The following CNTN1 variants were observed in gnomAD, a reference collection of about 807,000 sequenced individuals.
CNTN1 encodes contactin-1.
In CNTN1, 38 loss-of-function variants were observed where a neutral mutation model predicts 126.4. The observed-to-expected ratio is 0.30, with a 90% CI of 0.23 to 0.39. CNTN1 has a LOEUF of 0.39. Among genes scored for constraint, CNTN1 ranks in the 10% least tolerant of loss-of-function variants. CNTN1 has a pLI of 1.00. For missense variants in CNTN1, 1,009 were observed against 1,248.4 expected (o/e 0.81, Z 2.89); for synonymous variants, 413 against 422.6 (o/e 0.98, Z 0.28).
At chr12:40,960,582 T>A (rs1947070722) in intron 15 of CNTN1, among the ~76,000 whole-genome samples, 1 of 152,114 alleles carries the variant, frequency 6.6e-6, no homozygotes, top group Non-Finnish European at 1.5e-5. Context: ...AATAGAGTTT[T>A]AAGAAGTCTA....
chr12:40,888,610 A>G (rs935568273), intron 1 of CNTN1, among the ~76,000 whole-genome samples: 2 of 149,526 alleles, frequency 1.3e-5, no homozygotes, highest in African/African-American at 5.0e-5. Context: ...TGTGATTAAC[A>G]ACAACAACAA....
In CNTN1 at chr12:41,016,848, T is replaced by G; in HGVS notation, c.2351T>G (p.Val784Gly). The G allele has an allele frequency of 6.2e-7, 1 of 1,614,058 alleles. No homozygotes were observed. The highest frequency in any genetic ancestry group is 8.5e-7 in the Non-Finnish European group (1 of 1,180,000). Residue 784 changes from valine (V) to glycine (G), a missense_variant, in exon 19 of 24, where the codon GTC (valine) becomes GGC (glycine). Transcript: ENST00000551295. ...MSPSTAFQVK[V>G]KAFNNKGDGP... ...CCTTCCACTGCATTTCAAGTTAAAG[T>G]CAAGGCCTTCAACAACAAAGGAGAT...
At chr12:41,069,483 T>C (rs543095354) in intron 23 of CNTN1, among the ~76,000 whole-genome samples, 58 of 152,272 alleles carry the variant, frequency 3.8e-4, no homozygotes, top group East Asian at 3.5e-3. Flanking sequence ...ATGTGCACAA[T>C]GTGCAGGTTT....
intron 16 of CNTN1, among the ~76,000 whole-genome samples, chr12:40,988,749 A>G (rs1408609176): frequency 6.6e-6 from 1 of 152,194 alleles, no homozygotes; most frequent in Admixed American, 6.5e-5. Context: ...CTCCTGCTTT[A>G]TATCTCTTTG....
intron 17 of CNTN1, among the ~76,000 whole-genome samples, chr12:40,999,729 A>T (rs1466058075): frequency 8.6e-6 from 1 of 115,786 alleles, no homozygotes; most frequent in African/African-American, 3.4e-5. Flanking sequence ...TTGAGACAGC[A>T]TCTTGCTCTG....
chr12:40,947,776 TATATATAC>T (rs1254433729), intron 14 of CNTN1, among the ~76,000 whole-genome samples: 38 of 89,618 alleles, frequency 4.2e-4, no homozygotes, highest in Non-Finnish European at 6.4e-4. Flanking sequence ...TATATATATA[TATATATAC>T]ACACACACAC....
chr12:40,923,154 A>G (rs986757341), intron 5 of CNTN1, among the ~76,000 whole-genome samples: 1 of 151,964 alleles, frequency 6.6e-6, no homozygotes, highest in Non-Finnish European at 1.5e-5. Flanking sequence ...CCTAATATTT[A>G]ACTTCTAATA....
rs140226618 is a variant in CNTN1, at chr12:40,796,862, A to C, written c.-77+104270A>C. Among the ~76,000 whole-genome samples the C allele has an allele frequency of 2.0e-4, 30 of 152,228 alleles. No individual in the cohort carries two copies. The East Asian group carries it at 4.3e-3, about 22-fold the overall frequency. Reference sequence around the variant, plus strand: ...AAAGCAAGGTTAACAATGAGGACAAAGCTTGGCAAGCCAAGGAGACAAAAG... The same window carrying C: ...AAAGCAAGGTTAACAATGAGGACAACGCTTGGCAAGCCAAGGAGACAAAAG... On this transcript the variant is annotated intron_variant, in intron 1 of 23. Transcript: ENST00000551295.
At chr12:40,869,198 T>A (rs1287233546) in intron 1 of CNTN1, among the ~76,000 whole-genome samples, 1 of 151,320 alleles carries the variant, frequency 6.6e-6, no homozygotes, top group African/African-American at 2.4e-5. Flanking sequence ...AGGTTTGATC[T>A]AAGGACACAA....
chr12:40,968,589 A>C lies in CNTN1; in HGVS notation c.1804+9355A>C, dbSNP rs999186780. Among the ~76,000 whole-genome samples, 5 of 152,170 alleles carry C rather than the reference A, an allele frequency of 3.3e-5. 1 individual carries two copies. Among genetic ancestry groups the C allele is most frequent in the Admixed American group, 3.3e-4 (5 of 15,270 alleles). ...TAATTCATACAGTTAAAAATAGTTC[A>C]TTCAGAATATTTAAATATCTTAGAT... is the stretch of plus-strand genomic sequence containing the variant. On this transcript the variant is annotated intron_variant, in intron 15 of 23. Transcript: ENST00000551295.
chr12:40,748,588 G>A (rs1222044956), intron 1 of CNTN1, among the ~76,000 whole-genome samples: 3 of 152,058 alleles, frequency 2.0e-5, no homozygotes, highest in Non-Finnish European at 4.4e-5. Context: ...TATTTACATT[G>A]TTGTTGCTAA....
chr12:40,881,408 T>C (rs1015663298), intron 1 of CNTN1, among the ~76,000 whole-genome samples: 1 of 151,868 alleles, frequency 6.6e-6, no homozygotes, highest in Admixed American at 6.6e-5. Context: ...TATTAGTTTA[T>C]CCAATAGTAG....
chr12:40,904,393 C>T (rs924607305), intron 1 of CNTN1, among the ~76,000 whole-genome samples: 2 of 148,040 alleles, frequency 1.4e-5, no homozygotes, highest in African/African-American at 2.5e-5. Flanking sequence ...TTCCTTCCTT[C>T]CTTCTTCCCT....
intron 1 of CNTN1, among the ~76,000 whole-genome samples, chr12:40,879,571 G>A (rs79180471): frequency 0.016 from 2,444 of 152,164 alleles, 68 homozygotes; most frequent in African/African-American, 0.055. Flanking sequence ...AATTAAGAAA[G>A]GAGTGAGACA....
intron 14 of CNTN1, among the ~76,000 whole-genome samples, chr12:40,948,000 G>C (rs1183518575): frequency 1.3e-5 from 2 of 151,642 alleles, no homozygotes. Flanking sequence ...CTCTGATCCA[G>C]GGATTAAAAT....
intron 1 of CNTN1, among the ~76,000 whole-genome samples, chr12:40,733,264 A>T (rs1430790489): frequency 6.6e-6 from 1 of 152,006 alleles, no homozygotes; most frequent in African/African-American, 2.4e-5. Context: ...AAACCTGAAT[A>T]AGGCTATATT....
chr12:40,971,427 C>T (rs142555225), intron 15 of CNTN1: 99 of 1,593,546 alleles, frequency 6.2e-5, no homozygotes, highest in Non-Finnish European at 8.1e-5. Context: ...GATCTTTCCT[C>T]TTGCAGGTAA....
chr12:40,930,058 C>T, intron 7 of CNTN1, 56 bp downstream of exon 7: 1 of 1,288,100 alleles, frequency 7.8e-7, no homozygotes, highest in Non-Finnish European at 1.1e-6. Flanking sequence ...ATATGGTATA[C>T]TTACCGTAAT....
At position 40,956,986 on chromosome 12, in the gene CNTN1, T is replaced by TA. The variant is rs566608531; in HGVS notation, c.1684-2127dup. On this transcript the variant is annotated intron_variant, in intron 14 of 23. Transcript: ENST00000551295. ...TAAATTCAAGAATTTATGATGAGTTTATGAGAAAGTTGAAGAAAGGGAGGG... is the reference window on the plus strand; with the variant it reads ...TAAATTCAAGAATTTATGATGAGTTTAATGAGAAAGTTGAAGAAAGGGAGGG... Among the ~76,000 whole-genome samples the TA allele has an allele frequency of 3.0e-3, 458 of 151,960 alleles. 1 individual carries two copies. The highest frequency in any genetic ancestry group is 0.017 in the Middle Eastern group (5 of 294).
Sources: gnomAD v4.1 joint callset for allele counts (sites outside exome capture counted in the v4.1 genomes callset) on GRCh38, gnomAD v4.1.1 for gene constraint, MANE v1.5 for transcripts, NCBI Gene and HGNC (gene_info 2026-07-23, HGNC 2026-07-21) for gene names.